The following SAMSN1 variants were observed in gnomAD, a reference collection of about 807,000 sequenced individuals.
The protein encoded by SAMSN1 is SAM domain-containing protein SAMSN-1.
In SAMSN1, 31 loss-of-function variants were observed where a neutral mutation model predicts 42.0. The observed-to-expected ratio is 0.74, with a 90% confidence interval of 0.55 to 1.00. The LOEUF (loss-of-function observed/expected upper bound fraction) is 1.00. Ranked by LOEUF, SAMSN1 falls within the 50% of genes least tolerant of loss-of-function variation. SAMSN1 has a pLI of 0.00. For missense variants in SAMSN1, 464 were observed against 439.4 expected (o/e 1.06, Z -0.50); for synonymous variants, 178 against 151.9 (o/e 1.17, Z -1.26).
At chr21:14,643,686 A>T (rs1317883420) in intron 1 of SAMSN1, among the ~76,000 whole-genome samples, 1 of 152,224 alleles carries the variant, frequency 6.6e-6, no homozygotes, top group Non-Finnish European at 1.5e-5. Flanking sequence ...TCTACACAGA[A>T]AAACAACACC....
intron 2 of SAMSN1, among the ~76,000 whole-genome samples, chr21:14,561,239 T>C (rs1980938953): frequency 6.6e-6 from 1 of 152,058 alleles, no homozygotes; most frequent in South Asian, 2.1e-4. Flanking sequence ...CAACACCCTG[T>C]GATTTCATTC....
intron 1 of SAMSN1, among the ~76,000 whole-genome samples, chr21:14,543,066 T>C (rs545087374): frequency 1.2e-4 from 19 of 152,360 alleles, no homozygotes; most frequent in African/African-American, 4.6e-4. Flanking sequence ...TCCTATTTCT[T>C]TTCTAATTTG....
chr21:14,629,354 C>T (rs147546158), intron 2 of SAMSN1, among the ~76,000 whole-genome samples: 86 of 152,234 alleles, frequency 5.6e-4, no homozygotes, highest in Middle Eastern at 6.8e-3. Context: ...TAATTAAAAG[C>T]GGACACTTCA....
chr21:14,646,885 A>G, intron 1 of SAMSN1, among the ~76,000 whole-genome samples: 1 of 152,208 alleles, frequency 6.6e-6, no homozygotes, highest in East Asian at 1.9e-4. Flanking sequence ...TGCAAACCTC[A>G]TGGTAAACTC....
At chr21:14,523,804 A>G (rs1012024930) in intron 1 of SAMSN1, among the ~76,000 whole-genome samples, 4 of 152,258 alleles carry the variant, frequency 2.6e-5, no homozygotes, top group Non-Finnish European at 4.4e-5. Context: ...TTGCTACACT[A>G]TCTTCTTCCA....
chr21:14,645,112 G>A (rs1983688134), intron 1 of SAMSN1, among the ~76,000 whole-genome samples: 1 of 152,210 alleles, frequency 6.6e-6, no homozygotes, highest in African/African-American at 2.4e-5. Flanking sequence ...GAAGCACAGA[G>A]GCATGACAGG....
chr21:14,567,228 G>C (rs1981151414), intron 2 of SAMSN1, among the ~76,000 whole-genome samples: 1 of 150,976 alleles, frequency 6.6e-6, no homozygotes, highest in Non-Finnish European at 1.5e-5. Flanking sequence ...TAAAAGAGTA[G>C]CCATAAATAA....
chr21:14,557,570 A>G (rs1458642883), intron 2 of SAMSN1, among the ~76,000 whole-genome samples: 1 of 152,160 alleles, frequency 6.6e-6, no homozygotes, highest in East Asian at 1.9e-4. Flanking sequence ...CACATGCTCT[A>G]ATGATATTTG....
chr21:14,564,843 G>A (rs560989728), intron 2 of SAMSN1, among the ~76,000 whole-genome samples: 30 of 152,188 alleles, frequency 2.0e-4, no homozygotes, highest in African/African-American at 6.0e-4. Flanking sequence ...CCGAAGGCTG[G>A]GGAGGATCAC....
rs756895183 is a variant in SAMSN1 at position 14,510,414 on chromosome 21, G to A, written c.457C>T (p.Arg153Ter). The change falls in exon 5 of 8, where the codon CGA becomes TGA. Residue 153 changes from arginine (R) to a stop codon, truncating the protein, a stop_gained. Transcript: ENST00000400566. LOFTEE classifies it high-confidence loss of function. ...GAATAGGGGCCATCGTCATCCAGTC[G>A]AAAGCTGTCCCGGTTACTTGTACCA... Reference protein sequence around the residue: ...SDGTSNRDSFRLDDDGPYSGP... With the variant: ...SDGTSNRDSF 3.7e-5 allele frequency: 59 copies of A among 1,614,018 alleles called. No homozygotes were observed. Among genetic ancestry groups the A allele is most frequent in the Non-Finnish European group, 4.7e-5 (55 of 1,179,996 alleles).
chr21:14,589,768 A>AAAAAC lies in SAMSN1; in HGVS notation c.465+4240_465+4244dup, dbSNP rs1437027027. On this transcript the variant is annotated intron_variant, in intron 7 of 15. Transcript: ENST00000647101. Reference sequence around the variant, plus strand: ...TAACACGTCAGACTTGAATGAAGTAAAAAACAAAACAAAACAAAGCAGAAA... The same window carrying AAAAAC: ...TAACACGTCAGACTTGAATGAAGTAAAAAACAAAACAAAACAAAACAAAGCAGAAA... Among the ~76,000 whole-genome samples the AAAAAC allele has an allele frequency of 3.9e-5, 6 of 152,272 alleles. No homozygotes were observed. In the South Asian group the frequency reaches 1.2e-3, roughly 32 times the overall value.
intron 2 of SAMSN1, among the ~76,000 whole-genome samples, chr21:14,632,166 G>A (rs1983346644): frequency 6.6e-6 from 1 of 151,988 alleles, no homozygotes. Context: ...CATTGTGGTA[G>A]TAGCTGCTTG....
chr21:14,640,176 A>G (rs1225239812), intron 2 of SAMSN1, among the ~76,000 whole-genome samples: 1 of 152,220 alleles, frequency 6.6e-6, no homozygotes, highest in African/African-American at 2.4e-5. Context: ...GTAAGTATGA[A>G]TAAATAATAT....
intron 7 of SAMSN1, among the ~76,000 whole-genome samples, chr21:14,494,352 C>T (rs1986820985): frequency 6.6e-6 from 1 of 152,148 alleles, no homozygotes; most frequent in East Asian, 1.9e-4. Context: ...AAATCTGGCA[C>T]ATATACACCA....
rs993043585 is a variant in SAMSN1 at position 14,649,113 on chromosome 21, C to A, written c.25-5980G>T. Among the ~76,000 whole-genome samples the A allele has an allele frequency of 1.7e-4, 26 of 152,112 alleles. No individual in the cohort carries two copies. In the South Asian group the frequency reaches 2.7e-3, roughly 16 times the overall value. ...CCATAAAAAAGGATGAGTTCATGTC[C>A]TTTGTAGGGACATGGATGAAATTGG... On this transcript the variant is annotated intron_variant, in intron 1 of 15. Transcript: ENST00000647101.
rs61217333 is a variant in SAMSN1, at chr21:14,507,838, T to TAAA, written c.561+2469_561+2471dup. Among the ~76,000 whole-genome samples, 61 of 142,704 alleles carry TAAA rather than the reference T, an allele frequency of 4.3e-4. No individual in the cohort carries two copies. The East Asian group carries it at 8.5e-3, about 20-fold the overall frequency. The allele number at this position is 142,704 out of a possible 152,430, so 93.6% of individuals were successfully genotyped here. A position where few individuals can be genotyped will look rare whatever the true frequency, so the allele number is the denominator to read the frequency against. On this transcript the variant is annotated intron_variant, in intron 5 of 7. Transcript: ENST00000400566. ...AGTCACCAAAACAGCATGGTACTGG[T>TAAA]AAAAAAAAAAAAAATAGGCACATAG... is the stretch of plus-strand genomic sequence containing the variant.
intron 2 of SAMSN1, among the ~76,000 whole-genome samples, chr21:14,568,092 C>A (rs1162122706): frequency 6.6e-6 from 1 of 152,112 alleles, no homozygotes; most frequent in Non-Finnish European, 1.5e-5. Flanking sequence ...CTGGATTAAG[C>A]AAGCATTACT....
chr21:14,631,448 ACC>A (rs1165504347), intron 2 of SAMSN1, among the ~76,000 whole-genome samples: 2 of 152,114 alleles, frequency 1.3e-5, no homozygotes, highest in African/African-American at 4.8e-5. Context: ...TTGCTCCATC[ACC>A]CAGGCTTTCT....
intron 5 of SAMSN1, among the ~76,000 whole-genome samples, chr21:14,607,982 A>C (rs1213990732): frequency 1.3e-5 from 2 of 152,238 alleles, no homozygotes; most frequent in Middle Eastern, 3.2e-3. Context: ...GAAGGTGTGG[A>C]TGCATATAGC....
Sources: gnomAD v4.1 joint callset for allele counts (sites outside exome capture counted in the v4.1 genomes callset) on GRCh38, gnomAD v4.1.1 for gene constraint, MANE v1.5 for transcripts, NCBI Gene and HGNC (gene_info 2026-07-23, HGNC 2026-07-21) for gene names.